PLEKHG4B: variants seen among roughly 807,000 people sequenced by gnomAD.
The protein encoded by PLEKHG4B is pleckstrin homology domain-containing family G member 4B.
A neutral mutation model predicts 121.3 loss-of-function variants in PLEKHG4B; 111 were observed. That is an observed-to-expected ratio of 0.92 (90% confidence interval 0.78 to 1.07). The LOEUF is 1.07. Among genes scored for constraint, PLEKHG4B ranks in the 50% least tolerant of loss-of-function variants. PLEKHG4B has a pLI of 0.00. For missense variants in PLEKHG4B, 1,831 were observed against 1,757.8 expected, an observed-to-expected ratio of 1.04 and a Z score of -0.74; for synonymous variants, 738 against 725.0, an observed-to-expected ratio of 1.02 and a Z score of -0.29.
At chr5:103,897 G>A (rs1733894866) in intron 1 of PLEKHG4B, among the ~76,000 whole-genome samples, 1 of 151,936 alleles carries the variant, frequency 6.6e-6, no homozygotes, top group Admixed American at 6.5e-5. Flanking sequence ...GTAACCACTA[G>A]TCTACTCTCT....
chr5:167,441 A>G (rs938623768), intron 13 of PLEKHG4B, among the ~76,000 whole-genome samples: 6 of 100,656 alleles, frequency 6.0e-5, no homozygotes, highest in African/African-American at 1.7e-4. Flanking sequence ...AAATAATGGT[A>G]GAAAAAAAAT....
chr5:149,390 A>T (rs1735530058), intron 6 of PLEKHG4B, among the ~76,000 whole-genome samples: 1 of 152,012 alleles, frequency 6.6e-6, no homozygotes, highest in South Asian at 2.1e-4. Context: ...GAAAAAAAAA[A>T]ATTAGCTGAG....
chr5:130,696 C>G (rs1048951627), intron 2 of PLEKHG4B, among the ~76,000 whole-genome samples: 13 of 152,200 alleles, frequency 8.5e-5, no homozygotes, highest in African/African-American at 3.1e-4. Flanking sequence ...TAAGAAAACT[C>G]TGGTTCTGAC....
At chr5:131,122 T>G (rs1734764332) in intron 2 of PLEKHG4B, among the ~76,000 whole-genome samples, 1 of 152,096 alleles carries the variant, frequency 6.6e-6, no homozygotes, top group African/African-American at 2.4e-5. Context: ...TGCTTCCTTT[T>G]TTTTTTACTT....
At chr5:107,593 C>T (rs138267112) in intron 1 of PLEKHG4B, among the ~76,000 whole-genome samples, 263 of 152,336 alleles carry the variant, frequency 1.7e-3, no homozygotes, top group African/African-American at 5.7e-3. Flanking sequence ...AGACTCAGGG[C>T]GCTGCTGAGG....
chr5:135,061 C>T (rs1251469117), intron 2 of PLEKHG4B, among the ~76,000 whole-genome samples: 2 of 150,752 alleles, frequency 1.3e-5, no homozygotes, highest in South Asian at 4.2e-4. Flanking sequence ...TGGTGGCGGG[C>T]GCCTGTAGTC....
chr5:151,303 A>G (rs1469168731), intron 6 of PLEKHG4B, among the ~76,000 whole-genome samples: 1 of 152,192 alleles, frequency 6.6e-6, no homozygotes, highest in Non-Finnish European at 1.5e-5. Flanking sequence ...ATTTTATTGT[A>G]TGTAAATTAT....
chr5:155,000 A>G lies in PLEKHG4B; in HGVS notation c.2109+9A>G, dbSNP rs769184587. 1.9e-6 allele frequency: 3 copies of G among 1,602,368 alleles called. No homozygotes were observed. The highest frequency in any genetic ancestry group is 1.7e-5 in the Admixed American group (1 of 59,988). ...GGATCTGCTTCCGTCAGGTAGGTTC[A>G]GCCTGCAGCTGCTGCACATGCGACA... is the stretch of plus-strand genomic sequence containing the variant. On this transcript the variant is annotated intron_variant, in intron 8 of 19. Coordinates refer to ENST00000637938, the MANE Select transcript of PLEKHG4B (RefSeq NM_052909.5).
chr5:174,815 G>A (rs954945205), intron 18 of PLEKHG4B, among the ~76,000 whole-genome samples: 2 of 152,132 alleles, frequency 1.3e-5, no homozygotes, highest in Non-Finnish European at 2.9e-5. Flanking sequence ...GTCTGAGCCA[G>A]GAACAGGGAG....
chr5:146,063 A>C (rs116756667), intron 6 of PLEKHG4B, among the ~76,000 whole-genome samples: 1 of 141,596 alleles, frequency 7.1e-6, no homozygotes. Context: ...CTCCCCCTCC[A>C]TGGTCCTCAC....
intron 2 of PLEKHG4B, among the ~76,000 whole-genome samples, chr5:138,735 A>C (rs1003026998): frequency 2.6e-5 from 4 of 152,214 alleles, no homozygotes; most frequent in African/African-American, 9.7e-5. Context: ...GATTCTGCAG[A>C]AGCAACTGAA....
At chr5:143,331 C>G (rs1334439342) in intron 4 of PLEKHG4B, 49 bp from the exon 5 acceptor site, 2 of 1,607,778 alleles carry the variant, frequency 1.2e-6, no homozygotes, top group Non-Finnish European at 1.7e-6. Flanking sequence ...CAGCTCACCA[C>G]CTTGTAGGAG....
rs1733370037 is a variant in PLEKHG4B at position 181,580 on chromosome 5, G to A, written c.4469G>A (p.Arg1490Lys). 6.2e-7 allele frequency: 1 copy of A among 1,614,140 alleles called. No homozygotes were observed. The highest frequency in any genetic ancestry group is 2.2e-5 in the East Asian group (1 of 44,888). The change falls in exon 19 of 20, where the codon AGA becomes AAA. Residue 1490 changes from arginine (R) to lysine (K), a missense_variant. By Grantham distance (26) the Arg-to-Lys change is conservative (BLOSUM62 2). Coordinates refer to ENST00000637938, the MANE Select transcript of PLEKHG4B (RefSeq NM_052909.5). ...GNQPFMDVKP[R>K]DRTPDCAVIS... is the part of the protein sequence containing the mutation. ...CAGCCATTCATGGATGTCAAGCCCA[G>A]AGACCGGACCCCTGACTGTGCAGTG...
rs1279111324 is a variant in PLEKHG4B, at chr5:176,037, G to A, written c.4402+1939G>A. On this transcript the variant is annotated intron_variant, in intron 18 of 19. Coordinates refer to ENST00000637938, the MANE Select transcript of PLEKHG4B (RefSeq NM_052909.5). The stretch of plus-strand genomic sequence containing the variant: ...GCCTGAGCCCTGACCCCCTCCAGGT[G>A]AAGCCACCACCTCCCCACCGGCCCC... Among the ~76,000 whole-genome samples, 2 of 110,186 alleles carry A rather than the reference G, an allele frequency of 1.8e-5. 1 individual carries two copies. The highest frequency in any genetic ancestry group is 4.6e-5 in the Non-Finnish European group (2 of 43,758). 72.3% of individuals were successfully genotyped at this position (110,186 alleles called of 152,430 possible). A position where few individuals can be genotyped will look rare whatever the true frequency, so the allele number is the denominator to read the frequency against.
At chr5:124,375 C>CAT (rs1734552964) in intron 2 of PLEKHG4B, among the ~76,000 whole-genome samples, 1 of 152,190 alleles carries the variant, frequency 6.6e-6, no homozygotes, top group Admixed American at 6.5e-5. Flanking sequence ...GAGTGTTCTG[C>CAT]ATATGTCTGT....
chr5:144,707 A>C, intron 5 of PLEKHG4B, 120 bp from the exon 6 acceptor site: 1 of 791,734 alleles, frequency 1.3e-6, no homozygotes, highest in Non-Finnish European at 2.0e-6. Flanking sequence ...GTGTATAGAG[A>C]ACCCCTAACT....
intron 9 of PLEKHG4B, among the ~76,000 whole-genome samples, chr5:155,839 C>T (rs1370427835): frequency 1.3e-5 from 2 of 152,094 alleles, no homozygotes; most frequent in Non-Finnish European, 2.9e-5. Context: ...ATGGCAGGTT[C>T]ACCTCCTACA....
At chr5:104,894 A>G (rs1000367949) in intron 1 of PLEKHG4B, among the ~76,000 whole-genome samples, 1 of 152,254 alleles carries the variant, frequency 6.6e-6, no homozygotes, top group African/African-American at 2.4e-5. Flanking sequence ...TCAAATCAGA[A>G]CAAGGTGCCA....
In PLEKHG4B at chr5:173,085, C is replaced by T. The variant is rs6885136; in HGVS notation, c.4221+18C>T. 0.57 allele frequency: 922,666 copies of T among 1,610,044 alleles called. 269,308 individuals are homozygous for T. The highest frequency in any genetic ancestry group is 0.61 in the Non-Finnish European group (712,174 of 1,176,872). On this transcript the variant is annotated intron_variant, in intron 17 of 19. Transcript: ENST00000637938. Reference sequence around the variant, plus strand: ...CCTTCAAGGTAGCACCCGCCCGGTCCGATTGGGTGCAGGCCGAGCCAGGCC... The same window carrying T: ...CCTTCAAGGTAGCACCCGCCCGGTCTGATTGGGTGCAGGCCGAGCCAGGCC...
Sources: gnomAD v4.1 joint callset for allele counts (sites outside exome capture counted in the v4.1 genomes callset) on GRCh38, gnomAD v4.1.1 for gene constraint, MANE v1.5 for transcripts, NCBI Gene and HGNC (gene_info 2026-07-23, HGNC 2026-07-21) for gene names.